The following KLHL29 variants were observed in gnomAD, a reference collection of about 807,000 sequenced individuals.
KLHL29 encodes kelch-like protein 29.
A neutral mutation model predicts 80.4 loss-of-function variants in KLHL29; 21 were observed. That is an observed-to-expected ratio of 0.26 (90% CI 0.19 to 0.38). The LOEUF is 0.38. KLHL29 is among the 10% of genes least tolerant of loss of function. The probability of loss-of-function intolerance (pLI) is 1.00; values close to 1 mark genes in which losing one functional copy is unlikely to be tolerated. For synonymous variants in KLHL29, 511 were observed against 526.8 expected, an observed-to-expected ratio of 0.97 and a Z score of 0.41; for missense variants, 867 against 1,223.9, an observed-to-expected ratio of 0.71 and a Z score of 4.35.
At chr2:23,426,307 G>A (rs946701143) in intron 1 of KLHL29, among the ~76,000 whole-genome samples, 6 of 152,308 alleles carry the variant, frequency 3.9e-5, no homozygotes, top group South Asian at 2.1e-4. Flanking sequence ...ATCCTCAAAT[G>A]TATCAATCCA....
At chr2:23,545,426 G>C (rs1041122113) in intron 2 of KLHL29, among the ~76,000 whole-genome samples, 13 of 152,220 alleles carry the variant, frequency 8.5e-5, no homozygotes, top group Non-Finnish European at 1.5e-4. Context: ...CATGCTGTCG[G>C]TGCTCCGTAA....
intron 5 of KLHL29, among the ~76,000 whole-genome samples, chr2:23,650,829 G>A (rs1670069866): frequency 6.6e-6 from 1 of 152,174 alleles, no homozygotes; most frequent in South Asian, 2.1e-4. Flanking sequence ...GCTGGACTGA[G>A]CCCTAGAGTT....
At chr2:23,661,366 A>G (rs1342585182) in intron 5 of KLHL29, among the ~76,000 whole-genome samples, 1 of 151,916 alleles carries the variant, frequency 6.6e-6, no homozygotes, top group African/African-American at 2.4e-5. Context: ...ACCATGAAAA[A>G]TGTTTTAACA....
At chr2:23,435,141 A>G (rs1298988155) in intron 1 of KLHL29, among the ~76,000 whole-genome samples, 2 of 152,176 alleles carry the variant, frequency 1.3e-5, no homozygotes, top group African/African-American at 2.4e-5. Context: ...AAGTGGCAAC[A>G]TTGGAGTGTG....
intron 1 of KLHL29, among the ~76,000 whole-genome samples, chr2:23,458,791 G>A (rs1664132683): frequency 2.0e-5 from 3 of 152,334 alleles, no homozygotes; most frequent in Admixed American, 6.5e-5. Flanking sequence ...GCGGAGAGGA[G>A]AACGGGGACA....
intron 3 of KLHL29, among the ~76,000 whole-genome samples, chr2:23,622,649 C>T (rs1357768355): frequency 6.6e-6 from 1 of 152,208 alleles, no homozygotes; most frequent in Non-Finnish European, 1.5e-5. Flanking sequence ...AATGCTCAGT[C>T]TTTCCTTCAC....
chr2:23,620,827 C>A (rs1009989417), intron 3 of KLHL29, among the ~76,000 whole-genome samples: 1 of 152,188 alleles, frequency 6.6e-6, no homozygotes, highest in African/African-American at 2.4e-5. Context: ...GAGAGAAGGC[C>A]AAGCCCGCAG....
chr2:23,446,906 C>T (rs1663710415), intron 1 of KLHL29, among the ~76,000 whole-genome samples: 1 of 152,148 alleles, frequency 6.6e-6, no homozygotes, highest in African/African-American at 2.4e-5. Flanking sequence ...GTGCAGAGTC[C>T]TTGATTTCAG....
At chr2:23,547,056 G>A (rs1034851016) in intron 2 of KLHL29, among the ~76,000 whole-genome samples, 10 of 152,288 alleles carry the variant, frequency 6.6e-5, no homozygotes, top group East Asian at 3.9e-4. Flanking sequence ...ACACACCCTC[G>A]TGGAGCTCCC....
intron 2 of KLHL29, among the ~76,000 whole-genome samples, chr2:23,527,129 C>T (rs1666350929): frequency 6.6e-6 from 1 of 152,170 alleles, no homozygotes; most frequent in Non-Finnish European, 1.5e-5. Flanking sequence ...CATTCTGAAA[C>T]CAGGCTCCTT....
intron 2 of KLHL29, among the ~76,000 whole-genome samples, chr2:23,494,326 G>A (rs1452492068): frequency 6.6e-6 from 1 of 152,172 alleles, no homozygotes; most frequent in Non-Finnish European, 1.5e-5. Context: ...TTTTGTAGAA[G>A]CAAATAGCAA....
intron 1 of KLHL29, among the ~76,000 whole-genome samples, chr2:23,467,984 C>G (rs1459367977): frequency 6.6e-6 from 1 of 151,828 alleles, no homozygotes; most frequent in African/African-American, 2.4e-5. Context: ...CAGCCATCCC[C>G]ATGGCACTAT....
rs779680660 is a variant in KLHL29 at position 23,562,763 on chromosome 2, G to A, written c.285+282G>A. Among the ~76,000 whole-genome samples the A allele has an allele frequency of 2.0e-5, 3 of 152,206 alleles. No homozygotes were observed. Among genetic ancestry groups the A allele is most frequent in the Non-Finnish European group, 4.4e-5 (3 of 68,036 alleles). ...CATGTTGATTAGATGCTATTAATGA[G>A]TGAAGTAACAGTGGACCTCCAAGAT... On this transcript the variant is annotated intron_variant, in intron 3 of 13. Coordinates refer to ENST00000486442, the MANE Select transcript of KLHL29 (RefSeq NM_052920.2). This position sits in a 1 kb window ranked among gnomAD's most constrained non-coding sequence, Gnocchi z 4.5.
chr2:23,673,388 C>G (rs1055389530), intron 5 of KLHL29, among the ~76,000 whole-genome samples: 3 of 151,476 alleles, frequency 2.0e-5, no homozygotes, highest in Non-Finnish European at 4.4e-5. Context: ...CACGTCCACA[C>G]CACGTGCTTG....
intron 3 of KLHL29, among the ~76,000 whole-genome samples, chr2:23,606,189 G>GGA (rs757910245): frequency 1.4e-5 from 2 of 140,728 alleles, no homozygotes; most frequent in African/African-American, 5.4e-5. Context: ...AGAGAGAGAG[G>GGA]GAGAGAGAGA....
chr2:23,688,854 G>A (rs545317100), intron 6 of KLHL29: 2 of 152,426 alleles, frequency 1.3e-5, no homozygotes, highest in South Asian at 2.1e-4. Flanking sequence ...AATGGCTTGG[G>A]GCAGGGACAG....
chr2:23,390,270 G>A (rs1324614661), intron 1 of KLHL29, among the ~76,000 whole-genome samples: 1 of 152,166 alleles, frequency 6.6e-6, no homozygotes, highest in Admixed American at 6.5e-5. Context: ...CATTTTCTGT[G>A]CGAGAGGGTA....
At chr2:23,412,458 G>A (rs147843160) in intron 1 of KLHL29, among the ~76,000 whole-genome samples, 232 of 152,286 alleles carry the variant, frequency 1.5e-3, no homozygotes, top group Middle Eastern at 3.4e-3. Flanking sequence ...GGATATGCAG[G>A]TGGGCTGCAG....
intron 3 of KLHL29, among the ~76,000 whole-genome samples, chr2:23,636,734 T>G (rs1669621418): frequency 6.6e-6 from 1 of 152,178 alleles, no homozygotes; most frequent in Non-Finnish European, 1.5e-5. Flanking sequence ...TAGGAGTGCT[T>G]TGAAGCCAAG....
Sources: allele counts gnomAD v4.1 joint callset (sites outside exome capture counted in the v4.1 genomes callset), GRCh38; gene constraint gnomAD v4.1.1; non-coding constraint Gnocchi (gnomAD v3.1); transcripts MANE v1.5; gene names NCBI Gene and HGNC (gene_info 2026-07-23, HGNC 2026-07-21).